Variants in C14orf39 observed in about 807,000 individuals in gnomAD.
C14orf39 encodes the protein protein SIX6OS1.
C14orf39 carries 66 observed loss-of-function variants against 85.6 expected under a neutral mutation model. The observed-to-expected ratio is 0.77, with a 90% CI of 0.63 to 0.95. The LOEUF (loss-of-function observed/expected upper bound fraction) is 0.95. C14orf39 is among the 40% of genes least tolerant of loss of function. C14orf39 has a pLI of 0.00. For missense variants in C14orf39, 735 were observed against 663.9 expected (o/e 1.11, Z -1.18); for synonymous variants, 242 against 214.0 (o/e 1.13, Z -1.14).
chr14:60,458,653 AT>A, intron 14 of C14orf39, 24 bp downstream of exon 14: 1 of 1,546,664 alleles, frequency 6.5e-7, no homozygotes, highest in Non-Finnish European at 8.9e-7. Context: ...TTGCTTAGAA[AT>A]TAGAGATCAA....
intron 1 of C14orf39, among the ~76,000 whole-genome samples, chr14:60,503,366 C>A (rs1893169611): frequency 6.6e-6 from 1 of 152,148 alleles, no homozygotes; most frequent in Non-Finnish European, 1.5e-5. Context: ...CTGAAAGTCA[C>A]AACAGCATGA....
At chr14:60,513,033 G>A (rs1272203540) in intron 1 of C14orf39, among the ~76,000 whole-genome samples, 1 of 152,156 alleles carries the variant, frequency 6.6e-6, no homozygotes, top group Non-Finnish European at 1.5e-5. Context: ...GCAGCCAAAC[G>A]GCAAGATAGA....
At chr14:60,450,980 CT>C (rs1891005797) in intron 16 of C14orf39, among the ~76,000 whole-genome samples, 1 of 152,164 alleles carries the variant, frequency 6.6e-6, no homozygotes, top group African/African-American at 2.4e-5. Context: ...GGAAAGCCTC[CT>C]CAAGAAAGAC....
At chr14:60,511,176 C>T (rs752483519) in intron 1 of C14orf39, 2 of 1,611,972 alleles carry the variant, frequency 1.2e-6, no homozygotes, top group African/African-American at 1.3e-5. Context: ...GCCACCAGCC[C>T]GGCCGCCAGT....
At chr14:60,512,225 A>C (rs934846551) in intron 1 of C14orf39, 10 of 152,318 alleles carry the variant, frequency 6.6e-5, no homozygotes, top group Middle Eastern at 3.4e-3. Context: ...AGGAAGCCAA[A>C]CTATGGGACT....
In C14orf39 at chr14:60,471,604, C is replaced by G; in HGVS notation, c.459G>C (p.Leu153Phe). The change falls in exon 6 of 18, where the codon TTG becomes TTC. Residue 153 changes from leucine to phenylalanine, a missense_variant. Coordinates refer to ENST00000321731, the MANE Select transcript of C14orf39 (RefSeq NM_174978.3). ...REHEEIQSRV[L>F]ACTEQLKMNE... ...TCATTTTTAATTGTTCAGTACATGC[C>G]AACACTCTGCTTTGAATTTCTTCAT... 6.2e-7 allele frequency: 1 copy of G among 1,610,408 alleles called. No homozygotes were observed. Among genetic ancestry groups the G allele is most frequent in the Non-Finnish European group, 8.5e-7 (1 of 1,178,262 alleles).
rs905507509 is a variant in C14orf39, at chr14:60,515,478, G to C, written c.-227C>G. 2 of 151,940 alleles carry C rather than the reference G, an allele frequency of 1.3e-5. No homozygotes were observed. The highest frequency in any genetic ancestry group is 2.4e-5 in the African/African-American group (1 of 41,394). The allele number at this position is 151,940 out of a possible 1,614,324, so 9.4% of individuals were successfully genotyped here. ...GTTGGGCTGCGTGACTCAGCGGCTCGAGGAGAGAAACCTCTCAAAACCGGG... is the reference window on the plus strand; with the variant it reads ...GTTGGGCTGCGTGACTCAGCGGCTCCAGGAGAGAAACCTCTCAAAACCGGG... On this transcript the variant is annotated 5_prime_UTR_variant, in exon 1 of 6. Coordinates refer to the C14orf39 transcript ENST00000556799. This position sits in a 1 kb window ranked among gnomAD's most constrained non-coding sequence, Gnocchi z 6.2.
At chr14:60,447,701 T>G (rs1890836629) in intron 16 of C14orf39, among the ~76,000 whole-genome samples, 1 of 152,102 alleles carries the variant, frequency 6.6e-6, no homozygotes, top group Non-Finnish European at 1.5e-5. Context: ...TACTTTAAAG[T>G]TCATATGGAA....
At chr14:60,460,863 A>T (rs190951100) in intron 13 of C14orf39, among the ~76,000 whole-genome samples, 2 of 151,952 alleles carry the variant, frequency 1.3e-5, no homozygotes, top group East Asian at 3.9e-4. Context: ...ATATAGAGGC[A>T]TTATTTATAA....
At chr14:60,446,465 C>T (rs932932074) in intron 16 of C14orf39, among the ~76,000 whole-genome samples, 4 of 152,190 alleles carry the variant, frequency 2.6e-5, no homozygotes, top group African/African-American at 9.6e-5. Context: ...TGCTTAAATT[C>T]CTGGACATAT....
upstream of C14orf39, among the ~76,000 whole-genome samples, chr14:60,488,869 A>T (rs1892943559): frequency 6.6e-6 from 1 of 151,610 alleles, no homozygotes; most frequent in South Asian, 2.1e-4. Context: ...ACTTGGTTCC[A>T]TTTAAACTCT....
At chr14:60,472,169 C>T (rs894993126) in intron 5 of C14orf39, among the ~76,000 whole-genome samples, 1 of 152,026 alleles carries the variant, frequency 6.6e-6, no homozygotes, top group Non-Finnish European at 1.5e-5. Flanking sequence ...ACTTCTAAAA[C>T]CATATCTTTT....
At chr14:60,506,478 G>A (rs1438614560) in intron 1 of C14orf39, among the ~76,000 whole-genome samples, 3 of 152,194 alleles carry the variant, frequency 2.0e-5, no homozygotes, top group Non-Finnish European at 4.4e-5. Context: ...TTATTCCTAA[G>A]GAATCCCGTG....
At chr14:60,495,560 A>G (rs546813132) in intron 2 of C14orf39, 81 of 234,504 alleles carry the variant, frequency 3.5e-4, no homozygotes, top group African/African-American at 1.8e-3. Flanking sequence ...AGTACATGGG[A>G]ATGCCATTGC....
chr14:60,498,968 T>C (rs1176773190), intron 2 of C14orf39, among the ~76,000 whole-genome samples: 1 of 152,056 alleles, frequency 6.6e-6, no homozygotes, highest in African/African-American at 2.4e-5. Context: ...CTTAAAAATA[T>C]TACTGAAGGG....
chr14:60,509,654 A>G, intron 1 of C14orf39: 1 of 1,613,980 alleles, frequency 6.2e-7, no homozygotes, highest in Non-Finnish European at 8.5e-7. Context: ...GTCGCACGCC[A>G]AGCTGCAGGC....
intron 16 of C14orf39, among the ~76,000 whole-genome samples, chr14:60,449,768 A>C (rs896240002): frequency 1.3e-5 from 2 of 151,822 alleles, no homozygotes; most frequent in African/African-American, 4.8e-5. Flanking sequence ...CTTTCTCTAG[A>C]TTCTCAAAAT....
intron 2 of C14orf39, among the ~76,000 whole-genome samples, chr14:60,498,521 A>G (rs187283176): frequency 2.6e-5 from 4 of 152,322 alleles, no homozygotes; most frequent in South Asian, 4.1e-4. Context: ...CCAATTATCT[A>G]TATCTACAAC....
At chr14:60,455,252 A>G (rs1486851557) in intron 15 of C14orf39, 107 bp from the exon 16 acceptor site, 4 of 721,512 alleles carry the variant, frequency 5.5e-6, no homozygotes, top group Non-Finnish European at 8.8e-6. Flanking sequence ...ATAGTAGGGA[A>G]ATGTAGGAAG....
Sources: gnomAD v4.1 joint callset for allele counts (sites outside exome capture counted in the v4.1 genomes callset) on GRCh38, gnomAD v4.1.1 for gene constraint, Gnocchi (gnomAD v3.1) non-coding constraint, MANE v1.5 for transcripts, NCBI Gene and HGNC (gene_info 2026-07-23, HGNC 2026-07-21) for gene names.